Variants in YPEL2 observed in about 807,000 individuals in gnomAD.
YPEL2 encodes the protein yippee like 2, also known as protein yippee-like 2.
In YPEL2, 2 loss-of-function variants were observed where a neutral mutation model predicts 19.1. That is an observed-to-expected ratio of 0.10 (90% CI 0.04 to 0.33). The LOEUF (loss-of-function observed/expected upper bound fraction) is 0.33. Ranked by LOEUF, YPEL2 falls within the 10% of genes least tolerant of loss-of-function variation. The pLI is 1.00. For synonymous variants in YPEL2, 52 were observed against 50.0 expected (o/e 1.04, Z -0.17); for missense variants, 66 against 140.7 (o/e 0.47, Z 2.68).
Position 59,398,417 on chromosome 17 carries a change from C to G in YPEL2, c.*1227C>G, listed in dbSNP as rs986192405. 1 of 152,098 alleles carries G rather than the reference C, an allele frequency of 6.6e-6. No individual in the cohort carries two copies. The highest frequency in any genetic ancestry group is 2.4e-5 in the African/African-American group (1 of 41,392). The allele number at this position is 152,098 out of a possible 1,614,324, so 9.4% of individuals were successfully genotyped here. Reference sequence around the variant, plus strand: ...AACCTGGCTGGTAGATTCCTCATGCCCCTAATTGTCCCACTTAGGCCTGAA... The same window carrying G: ...AACCTGGCTGGTAGATTCCTCATGCGCCTAATTGTCCCACTTAGGCCTGAA... On this transcript the variant is annotated 3_prime_UTR_variant, in exon 5 of 5. Coordinates refer to ENST00000312655, the MANE Select transcript of YPEL2 (RefSeq NM_001005404.4).
At chr17:59,348,724 A>G (rs1297232489) in intron 1 of YPEL2, among the ~76,000 whole-genome samples, 8 of 152,158 alleles carry the variant, frequency 5.3e-5, no homozygotes, top group Non-Finnish European at 1.5e-5. Flanking sequence ...GCTTTTAAAT[A>G]TTAAGCTCAT....
chr17:59,336,797 A>C (rs1274321988), intron 1 of YPEL2, among the ~76,000 whole-genome samples: 1 of 152,124 alleles, frequency 6.6e-6, no homozygotes, highest in Non-Finnish European at 1.5e-5. Flanking sequence ...TAATATAAGT[A>C]AGTAAAGACT....
intron 1 of YPEL2, chr17:59,345,349 A>G (rs1411258697): frequency 6.6e-6 from 1 of 152,152 alleles, no homozygotes; most frequent in Non-Finnish European, 1.5e-5. Context: ...GCTGGTTTTT[A>G]TTACCAGCTG....
intron 4 of YPEL2, 49 bp downstream of exon 4, chr17:59,389,517 A>C: frequency 6.9e-7 from 1 of 1,452,928 alleles, no homozygotes; most frequent in South Asian, 1.1e-5. Flanking sequence ...GGAATTGCCA[A>C]GAGCCTTATG....
At chr17:59,394,873 G>A (rs1419860878) in intron 4 of YPEL2, among the ~76,000 whole-genome samples, 2 of 152,260 alleles carry the variant, frequency 1.3e-5, no homozygotes, top group Admixed American at 6.5e-5. Flanking sequence ...GATCACTCGC[G>A]GTTAGGAGCT....
intron 2 of YPEL2, among the ~76,000 whole-genome samples, chr17:59,380,204 A>G (rs2047941849): frequency 6.6e-6 from 1 of 151,802 alleles, no homozygotes; most frequent in African/African-American, 2.4e-5. Flanking sequence ...CATAATAGAA[A>G]CATTCTAACA....
At chr17:59,359,141 CTCAAA>C (rs1376568755) in intron 2 of YPEL2, among the ~76,000 whole-genome samples, 2 of 152,070 alleles carry the variant, frequency 1.3e-5, no homozygotes, top group African/African-American at 4.8e-5. Context: ...CCAGGCTGGT[CTCAAA>C]CTCCTGACCT....
In YPEL2 at chr17:59,400,201, C is replaced by G. The variant is rs2048063330; in HGVS notation, c.*3011C>G. 1 of 152,588 alleles carries G rather than the reference C, an allele frequency of 6.6e-6. No homozygotes were observed. Among genetic ancestry groups the G allele is most frequent in the South Asian group, 2.1e-4 (1 of 4,824 alleles). 9.5% of individuals were successfully genotyped at this position (152,588 alleles called of 1,614,324 possible). A position where few individuals can be genotyped will look rare whatever the true frequency, so the allele number is the denominator to read the frequency against. The stretch of plus-strand genomic sequence containing the variant: ...AGCTGAACCTGACTGAGTGTTCTTC[C>G]TGAGTTCACGAGGATAGGCTAGAGT... On this transcript the variant is annotated 3_prime_UTR_variant, in exon 5 of 5. Coordinates refer to ENST00000312655, the MANE Select transcript of YPEL2 (RefSeq NM_001005404.4).
chr17:59,365,378 TAGA>T (rs1046621053), intron 2 of YPEL2, among the ~76,000 whole-genome samples: 21 of 152,212 alleles, frequency 1.4e-4, no homozygotes, highest in African/African-American at 4.8e-4. Flanking sequence ...GAAGCCTCTC[TAGA>T]ATGTAAATGG....
At chr17:59,369,140 G>A (rs765354627) in intron 2 of YPEL2, among the ~76,000 whole-genome samples, 3 of 152,130 alleles carry the variant, frequency 2.0e-5, no homozygotes, top group East Asian at 3.8e-4. Context: ...CATTGAAAGC[G>A]GGCAATTGCA....
At chr17:59,387,724 C>T (rs2047987945) in intron 2 of YPEL2, among the ~76,000 whole-genome samples, 2 of 152,228 alleles carry the variant, frequency 1.3e-5, no homozygotes, top group African/African-American at 4.8e-5. Context: ...TTCTGTGATG[C>T]AGAGATCAAG....
At chr17:59,366,968 C>T (rs73996432) in intron 2 of YPEL2, among the ~76,000 whole-genome samples, 2,838 of 152,292 alleles carry the variant, frequency 0.019, 97 homozygotes, top group African/African-American at 0.064. Context: ...CTCTGAGCAT[C>T]GTGGGGGCAG....
chr17:59,400,527 C>T lies in YPEL2; in HGVS notation c.*3337C>T, dbSNP rs867670832. On this transcript the variant is annotated 3_prime_UTR_variant, in exon 5 of 5. Transcript: ENST00000312655. Reference sequence around the variant, plus strand: ...AGGTCTCTATCACTTTAATCTGGATCAAGGCTTTGAAGCAATGCCTCTCTG... The same window carrying T: ...AGGTCTCTATCACTTTAATCTGGATTAAGGCTTTGAAGCAATGCCTCTCTG... 4.0e-5 allele frequency: 6 copies of T among 151,206 alleles called. No individual in the cohort carries two copies. In the South Asian group the frequency reaches 1.3e-3, roughly 32 times the overall value. 9.4% of individuals were successfully genotyped at this position (151,206 alleles called of 1,614,324 possible).
At chr17:59,342,920 G>C (rs139430555) in intron 1 of YPEL2, among the ~76,000 whole-genome samples, 5 of 152,294 alleles carry the variant, frequency 3.3e-5, no homozygotes, top group African/African-American at 1.2e-4. Context: ...GGGTCTGGAA[G>C]TCCCTGCCCG....
At chr17:59,377,902 A>G (rs1259185488) in intron 2 of YPEL2, among the ~76,000 whole-genome samples, 2 of 152,216 alleles carry the variant, frequency 1.3e-5, no homozygotes, top group Non-Finnish European at 2.9e-5. Context: ...CGTTTATTAA[A>G]TGCTTTTTAT....
At position 59,353,598 on chromosome 17, in the gene YPEL2, T is replaced by TG; in HGVS notation, c.117+72_117+73insG. ...TTAGTGCTCCTGAAGTTGCAGAGGT[T>TG]TACAAGCTCTCAAGAATATTTGTAC... On this transcript the variant is annotated intron_variant, in intron 2 of 4. Transcript: ENST00000312655. The surrounding 1 kb of genome is among the most constrained non-coding windows in gnomAD (Gnocchi z 4.8). 1.8e-6 allele frequency: 2 copies of TG among 1,122,818 alleles called. No homozygotes were observed. Among genetic ancestry groups the TG allele is most frequent in the Non-Finnish European group, 2.7e-6 (2 of 734,848 alleles). The allele number at this position is 1,122,818 out of a possible 1,614,324, so 69.6% of individuals were successfully genotyped here.
At chr17:59,364,299 A>C (rs1293537772) in intron 2 of YPEL2, among the ~76,000 whole-genome samples, 3 of 152,134 alleles carry the variant, frequency 2.0e-5, no homozygotes, top group Non-Finnish European at 4.4e-5. Flanking sequence ...CCGACACACC[A>C]CTTTGCACAT....
At chr17:59,351,060 T>C (rs1366553411) in intron 1 of YPEL2, among the ~76,000 whole-genome samples, 1 of 152,080 alleles carries the variant, frequency 6.6e-6, no homozygotes, top group Non-Finnish European at 1.5e-5. Context: ...CTGTCTATCC[T>C]GAAATGGAAC....
At chr17:59,356,157 T>G (rs1460664577) in intron 2 of YPEL2, 1 of 152,198 alleles carries the variant, frequency 6.6e-6, no homozygotes, top group East Asian at 1.9e-4. Context: ...CTCTCTTGAC[T>G]TAATCTCCTA....
Sources: allele counts gnomAD v4.1 joint callset (sites outside exome capture counted in the v4.1 genomes callset), GRCh38; gene constraint gnomAD v4.1.1; non-coding constraint Gnocchi (gnomAD v3.1); transcripts MANE v1.5; gene names NCBI Gene and HGNC (gene_info 2026-07-23, HGNC 2026-07-21).